Variants in HECW2 observed in about 807,000 individuals in gnomAD.
HECW2 encodes E3 ubiquitin-protein ligase HECW2.
In HECW2, 61 loss-of-function variants were observed where a neutral mutation model predicts 175.2. The observed-to-expected ratio is 0.35, with a 90% CI of 0.28 to 0.43. The LOEUF is 0.43. HECW2 is among the 20% of genes least tolerant of loss of function. The pLI, the probability that HECW2 is intolerant of heterozygous loss-of-function variation, is 1.00. For missense variants in HECW2, 1,524 were observed against 2,000.5 expected, an observed-to-expected ratio of 0.76 and a Z score of 4.54; for synonymous variants, 671 against 731.0, an observed-to-expected ratio of 0.92 and a Z score of 1.32.
rs144781602 is a variant in HECW2 at position 196,562,260 on chromosome 2, T to C, written c.-36+31248A>G. 6.0e-4 allele frequency among the ~76,000 whole-genome samples: 91 copies of C among 152,266 alleles called. No individual in the cohort carries two copies. In the East Asian group the frequency reaches 9.3e-3, roughly 15 times the overall value. ...AAACCCTCCCACCCTCCAACCAAGT[T>C]AGAAACAATAGCACAAGTGATACAT... is the stretch of plus-strand genomic sequence containing the variant. On this transcript the variant is annotated intron_variant, in intron 1 of 28. Coordinates refer to ENST00000644978, the MANE Select transcript of HECW2 (RefSeq NM_001348768.2).
intron 15 of HECW2, among the ~76,000 whole-genome samples, chr2:196,275,463 A>T (rs1225486854): frequency 6.6e-6 from 1 of 152,186 alleles, no homozygotes; most frequent in Non-Finnish European, 1.5e-5. Context: ...AGAATGCGGG[A>T]AATGTGTGGG....
At chr2:196,204,495 A>T (rs1359098111) in intron 28 of HECW2, among the ~76,000 whole-genome samples, 2 of 152,226 alleles carry the variant, frequency 1.3e-5, no homozygotes, top group Non-Finnish European at 2.9e-5. Context: ...GCTGCAAGGA[A>T]TGAATGCTGC....
At chr2:196,288,572 C>A (rs1372911512) in intron 14 of HECW2, 1 of 152,158 alleles carries the variant, frequency 6.6e-6, no homozygotes, top group African/African-American at 2.4e-5. Flanking sequence ...GACATGAATC[C>A]TACAGTATAT....
At chr2:196,356,283 G>A (rs1437214214) in intron 2 of HECW2, among the ~76,000 whole-genome samples, 2 of 152,214 alleles carry the variant, frequency 1.3e-5, no homozygotes, top group African/African-American at 4.8e-5. Context: ...AAAACAGGAA[G>A]AGATTAAGAA....
chr2:196,410,720 G>C (rs939656993), intron 2 of HECW2, among the ~76,000 whole-genome samples: 3 of 152,114 alleles, frequency 2.0e-5, no homozygotes, highest in Admixed American at 1.3e-4. Flanking sequence ...ATATCAAACA[G>C]AAATACAGCC....
chr2:196,535,591 C>T (rs142270496), intron 1 of HECW2, among the ~76,000 whole-genome samples: 1,807 of 152,308 alleles, frequency 0.012, 12 homozygotes, highest in Non-Finnish European at 0.017. Flanking sequence ...CCGCTTACCA[C>T]ATACCTTTCT....
intron 2 of HECW2, among the ~76,000 whole-genome samples, chr2:196,384,698 T>C (rs988997088): frequency 6.6e-6 from 1 of 152,198 alleles, no homozygotes; most frequent in Non-Finnish European, 1.5e-5. Context: ...CCCTCCCTAG[T>C]ATTTTTTACA....
chr2:196,265,216 G>A (rs1689463402), intron 17 of HECW2, among the ~76,000 whole-genome samples: 1 of 152,218 alleles, frequency 6.6e-6, no homozygotes, highest in Admixed American at 6.5e-5. Context: ...CAGGCAGGGT[G>A]GCTCACGCCT....
intron 1 of HECW2, among the ~76,000 whole-genome samples, chr2:196,576,564 A>G (rs984185376): frequency 2.0e-5 from 3 of 152,194 alleles, no homozygotes; most frequent in African/African-American, 7.2e-5. Context: ...AAGGTGGGGA[A>G]AATGGGGATA....
intron 19 of HECW2, among the ~76,000 whole-genome samples, chr2:196,245,274 A>G (rs1194754203): frequency 2.6e-5 from 4 of 152,344 alleles, no homozygotes; most frequent in Admixed American, 1.3e-4. Flanking sequence ...AAATCCTCAC[A>G]AGTCTACGAA....
chr2:196,351,255 C>A (rs962110411), intron 2 of HECW2, among the ~76,000 whole-genome samples: 10 of 151,310 alleles, frequency 6.6e-5, no homozygotes, highest in Non-Finnish European at 1.5e-4. Flanking sequence ...TTTTCAAGTT[C>A]TTTCTTCCCC....
chr2:196,253,803 T>C (rs1688947782), intron 19 of HECW2, 117 bp downstream of exon 19: 1 of 907,990 alleles, frequency 1.1e-6, no homozygotes, highest in African/African-American at 1.6e-5. Flanking sequence ...GTATCTGTGC[T>C]AACACCAAAG....
intron 2 of HECW2, among the ~76,000 whole-genome samples, chr2:196,364,080 C>G (rs1477385695): frequency 6.6e-6 from 1 of 152,188 alleles, no homozygotes. Context: ...GCAGCTCTTA[C>G]TATCACTCAC....
intron 2 of HECW2, among the ~76,000 whole-genome samples, chr2:196,425,425 T>C (rs1290387177): frequency 6.6e-6 from 1 of 152,172 alleles, no homozygotes; most frequent in Non-Finnish European, 1.5e-5. Context: ...ATTTCTCTGA[T>C]GAATCTGGGC....
chr2:196,258,120 ATGT>A, intron 17 of HECW2: 3 of 534,098 alleles, frequency 5.6e-6, no homozygotes, highest in Non-Finnish European at 9.9e-6. Flanking sequence ...CCCAGTTCTA[ATGT>A]TGTGGGGAGA....
chr2:196,258,081 G>A (rs200823722), intron 17 of HECW2, 175 bp from the exon 18 acceptor site: 8 of 121,826 alleles, frequency 6.6e-5, no homozygotes, highest in Admixed American at 4.8e-4. Context: ...TTGCCTTCAA[G>A]GGGGGGGATC....
chr2:196,314,112 G>A (rs1186415406), intron 10 of HECW2, among the ~76,000 whole-genome samples: 1 of 152,222 alleles, frequency 6.6e-6, no homozygotes, highest in Non-Finnish European at 1.5e-5. Flanking sequence ...GAAAGGTGCT[G>A]CTGGGTCTAA....
chr2:196,198,904 A>G lies in HECW2; in HGVS notation c.*2373T>C, dbSNP rs1686771198. On this transcript the variant is annotated 3_prime_UTR_variant, in exon 29 of 29. Coordinates refer to ENST00000644978, the MANE Select transcript of HECW2 (RefSeq NM_001348768.2). ...CCAATCTGAGAACAGTATCAACTAG[A>G]TGATTATACTAATTAAGAATGTCTA... 1 of 152,208 alleles carries G rather than the reference A, an allele frequency of 6.6e-6. No homozygotes were observed. Among genetic ancestry groups the G allele is most frequent in the Admixed American group, 6.5e-5 (1 of 15,282 alleles). The allele number at this position is 152,208 out of a possible 1,614,324, so 9.4% of individuals were successfully genotyped here.
At chr2:196,384,108 T>G (rs1226853387) in intron 2 of HECW2, among the ~76,000 whole-genome samples, 1 of 152,206 alleles carries the variant, frequency 6.6e-6, no homozygotes, top group African/African-American at 2.4e-5. Flanking sequence ...AAATTAAATC[T>G]TGACCTCCCT....
Sources: allele counts gnomAD v4.1 joint callset (sites outside exome capture counted in the v4.1 genomes callset), GRCh38; gene constraint gnomAD v4.1.1; transcripts MANE v1.5; gene names NCBI Gene and HGNC (gene_info 2026-07-23, HGNC 2026-07-21).